Variants in CASD1 observed in about 807,000 individuals in gnomAD.
The protein encoded by CASD1 is N-acetylneuraminate (7)9-O-acetyltransferase.
A neutral mutation model predicts 100.0 loss-of-function variants in CASD1; 41 were observed. The ratio of observed to expected loss-of-function variants is 0.41; its 90% CI spans 0.32 to 0.53. The LOEUF is 0.53. Ranked by LOEUF, CASD1 falls within the 20% of genes least tolerant of loss-of-function variation. CASD1 has a pLI of 0.25. For synonymous variants in CASD1, 321 were observed against 315.6 expected (o/e 1.02, Z -0.18); for missense variants, 774 against 948.7 (o/e 0.82, Z 2.42).
At chr7:94,610,265 A>T in the CASD1 span, among the ~76,000 whole-genome samples, 2 of 152,168 alleles carry the variant, frequency 1.3e-5, no homozygotes, top group Non-Finnish European at 2.9e-5. Context: ...ACTCTGTATG[A>T]TACTATAATG....
rs1584424023 is a variant in CASD1 at position 94,545,227 on chromosome 7, A to G, written c.1477-318A>G. On this transcript the variant is annotated intron_variant, in intron 11 of 17. Transcript: ENST00000297273. ...CTGCTTTCTTAAGATAATCTAATCT[A>G]TGCTTCTACACTATAGCCCTCAGAA... Among the ~76,000 whole-genome samples, 3 of 152,230 alleles carry G rather than the reference A, an allele frequency of 2.0e-5. No homozygotes were observed. The East Asian group carries it at 5.8e-4, about 29-fold the overall frequency.
chr7:94,605,165 C>T, the CASD1 span, among the ~76,000 whole-genome samples: 43 of 151,902 alleles, frequency 2.8e-4, 1 homozygote, highest in Middle Eastern at 3.4e-3. Flanking sequence ...AGCATCACAC[C>T]GGAATCAGAT....
intron 16 of CASD1, chr7:94,553,094 A>T: frequency 2.3e-6 from 1 of 437,130 alleles, no homozygotes; most frequent in Non-Finnish European, 4.4e-6. Flanking sequence ...ATAACTCATT[A>T]AATGGTTTTA....
chr7:94,561,043 C>T (rs1016698770), downstream of CASD1, among the ~76,000 whole-genome samples: 5 of 152,038 alleles, frequency 3.3e-5, no homozygotes, highest in South Asian at 2.1e-4. Flanking sequence ...TGTCCTGGTT[C>T]GTGACCAGCC....
chr7:94,598,921 C>G, the CASD1 span: 3 of 1,613,744 alleles, frequency 1.9e-6, no homozygotes, highest in Admixed American at 5.0e-5. Flanking sequence ...CTCGAAGCTC[C>G]TTGGTAGATT....
chr7:94,621,896 G>C, the CASD1 span: 6 of 152,152 alleles, frequency 3.9e-5, no homozygotes, highest in Non-Finnish European at 8.8e-5. Context: ...CTTCAGTCCA[G>C]GCCCACAGAA....
chr7:94,525,284 T>C (rs1219190872), intron 3 of CASD1, among the ~76,000 whole-genome samples: 1 of 152,200 alleles, frequency 6.6e-6, no homozygotes, highest in Non-Finnish European at 1.5e-5. Flanking sequence ...TTAAACAATA[T>C]ATCATTTAAA....
At chr7:94,597,663 A>T in the CASD1 span, 2 of 152,186 alleles carry the variant, frequency 1.3e-5, no homozygotes, top group African/African-American at 4.8e-5. Context: ...AGCCAACTTC[A>T]TGACTTCTAG....
chr7:94,552,512 C>T, intron 16 of CASD1, 85 bp downstream of exon 16: 2 of 962,872 alleles, frequency 2.1e-6, no homozygotes, highest in South Asian at 3.0e-5. Context: ...TGAGATTGAA[C>T]TCCAGAAAAT....
the CASD1 span, among the ~76,000 whole-genome samples, chr7:94,574,390 C>T: frequency 2.6e-5 from 4 of 152,094 alleles, no homozygotes; most frequent in Non-Finnish European, 5.9e-5. Context: ...CTACTTATTA[C>T]TGATTCAGTT....
the CASD1 span, among the ~76,000 whole-genome samples, chr7:94,592,606 T>C: frequency 1.3e-5 from 2 of 152,162 alleles, no homozygotes; most frequent in African/African-American, 4.8e-5. Context: ...AATTAGTCAT[T>C]GCACAAACTT....
chr7:94,589,047 G>A, the CASD1 span: 1 of 376,492 alleles, frequency 2.7e-6, no homozygotes, highest in Non-Finnish European at 5.0e-6. Flanking sequence ...GGAGATCCAG[G>A]GCCACATAGC....
intron 3 of CASD1, among the ~76,000 whole-genome samples, chr7:94,521,225 G>A (rs1410838407): frequency 6.6e-6 from 1 of 152,096 alleles, no homozygotes; most frequent in East Asian, 1.9e-4. Context: ...AAATGATGAG[G>A]TTTTACTACA....
intron 5 of CASD1, 127 bp downstream of exon 5, chr7:94,528,377 C>T: frequency 3.2e-6 from 2 of 625,390 alleles, no homozygotes; most frequent in South Asian, 2.1e-5. Context: ...TTAATAGCAA[C>T]TAAACTGTGC....
chr7:94,530,066 G>A (rs1364070722), intron 5 of CASD1, among the ~76,000 whole-genome samples: 1 of 152,120 alleles, frequency 6.6e-6, no homozygotes, highest in Non-Finnish European at 1.5e-5. Flanking sequence ...CAAAGAGCTA[G>A]ATGAATAACA....
intron 9 of CASD1, 94 bp downstream of exon 9, chr7:94,537,988 C>G: frequency 1.4e-6 from 1 of 727,922 alleles, no homozygotes; most frequent in Non-Finnish European, 2.2e-6. Flanking sequence ...TGACAAAATA[C>G]ACAAACAGGT....
chr7:94,601,464 A>AAAC, the CASD1 span, among the ~76,000 whole-genome samples: 2 of 109,708 alleles, frequency 1.8e-5, no homozygotes, highest in African/African-American at 5.7e-5. Context: ...AAAAAAAAAA[A>AAAC]AAAAAAAAAA....
chr7:94,554,401 G>T (rs1372797581), intron 16 of CASD1, 82 bp from the exon 17 acceptor site: 6 of 838,588 alleles, frequency 7.2e-6, no homozygotes, highest in African/African-American at 3.5e-5. Context: ...AAAGAATAAG[G>T]TTATCATTTA....
the CASD1 span, chr7:94,618,608 A>T: frequency 1.5e-6 from 1 of 646,670 alleles, no homozygotes; most frequent in Non-Finnish European, 2.6e-6. Context: ...TTGCCAATAT[A>T]GAAAATTACT....
Sources: gnomAD v4.1 joint callset for allele counts (sites outside exome capture counted in the v4.1 genomes callset) on GRCh38, gnomAD v4.1.1 for gene constraint, MANE v1.5 for transcripts, NCBI Gene and HGNC (gene_info 2026-07-23, HGNC 2026-07-21) for gene names.